The following ZNF274 variants were observed in gnomAD, a reference collection of about 807,000 sequenced individuals.
ZNF274 encodes the protein zinc finger protein 274.
Under a neutral mutation model 42.5 loss-of-function variants are expected in ZNF274, and 23 were observed. That is an observed-to-expected ratio of 0.54 (90% CI 0.39 to 0.77). The LOEUF (loss-of-function observed/expected upper bound fraction) is 0.77, where lower values mean the gene tolerates loss of function less well. Ranked by LOEUF, ZNF274 falls within the 30% of genes least tolerant of loss-of-function variation. The probability of loss-of-function intolerance (pLI) is 0.00; values close to 1 mark genes in which losing one functional copy is unlikely to be tolerated. For missense variants in ZNF274, 679 were observed against 806.5 expected (o/e 0.84, Z 1.91); for synonymous variants, 292 against 305.4 (o/e 0.96, Z 0.46).
At chr19:58,197,046 C>G (rs1190472469) in intron 4 of ZNF274, among the ~76,000 whole-genome samples, 1 of 152,202 alleles carries the variant, frequency 6.6e-6, no homozygotes, top group Non-Finnish European at 1.5e-5. Flanking sequence ...CTAAGAGCTT[C>G]TGAAACCATG....
chr19:58,196,390 A>G (rs1208472609), intron 4 of ZNF274, among the ~76,000 whole-genome samples: 2 of 152,156 alleles, frequency 1.3e-5, no homozygotes, highest in Non-Finnish European at 2.9e-5. Context: ...ACGAAACCCT[A>G]TTGCTACATA....
At chr19:58,202,414 G>A (rs2075923784) in intron 4 of ZNF274, 1 of 152,220 alleles carries the variant, frequency 6.6e-6, no homozygotes, top group Non-Finnish European at 1.5e-5. Context: ...ATCACTTTGG[G>A]TGAAGAAACT....
In ZNF274 at chr19:58,206,840, C is replaced by T. The variant is rs771398079; in HGVS notation, c.377C>T (p.Ala126Val). The change falls in exon 5 of 8, where the codon GCC becomes GTC. Residue 126 changes from alanine to valine, a missense_variant. Coordinates refer to ENST00000617501, the MANE Select transcript of ZNF274 (RefSeq NM_133502.3). The stretch of plus-strand genomic sequence containing the variant: ...CAGGAGGTGGCTGGTCCCCGGAATG[C>T]CCAGATCCAGGCCCTATATGCTGAA... ...LNQEVAGPRN[A>V]QIQALYAEDG... 5.6e-6 allele frequency: 9 copies of T among 1,613,832 alleles called. No individual in the cohort carries two copies. The South Asian group carries it at 8.8e-5, about 16-fold the overall frequency.
rs1212767438 is a variant in ZNF274, at chr19:58,207,230, G to A, written c.739+28G>A. ...AAGTAGAAGGGTGGGTAGAGGGACAGCTTAATGAGGGTGTCTTGGAGTACC... is the reference window on the plus strand; with the variant it reads ...AAGTAGAAGGGTGGGTAGAGGGACAACTTAATGAGGGTGTCTTGGAGTACC... On this transcript the variant is annotated intron_variant, in intron 5 of 7. Coordinates refer to ENST00000617501, the MANE Select transcript of ZNF274 (RefSeq NM_133502.3). The surrounding 1 kb of genome is among the most constrained non-coding windows in gnomAD (Gnocchi z 5.6). The A allele has an allele frequency of 1.3e-6, 2 of 1,582,374 alleles. No homozygotes were observed. Among genetic ancestry groups the A allele is most frequent in the Non-Finnish European group, 1.7e-6 (2 of 1,163,530 alleles).
intron 4 of ZNF274, among the ~76,000 whole-genome samples, chr19:58,195,838 C>T (rs1230826062): frequency 6.6e-6 from 1 of 152,146 alleles, no homozygotes. Context: ...GGTTCATGCT[C>T]CTGTGAGAGT....
At chr19:58,187,916 G>A (rs1032278382) in intron 4 of ZNF274, among the ~76,000 whole-genome samples, 7 of 150,142 alleles carry the variant, frequency 4.7e-5, no homozygotes, top group Non-Finnish European at 8.9e-5. Context: ...AGTAACGGAC[G>A]GTTTCACCAT....
At chr19:58,196,820 T>C (rs528900454) in intron 4 of ZNF274, among the ~76,000 whole-genome samples, 1 of 152,070 alleles carries the variant, frequency 6.6e-6, no homozygotes, top group Non-Finnish European at 1.5e-5. Flanking sequence ...TCTTTAATGT[T>C]TTTGCCCTCT....
intron 4 of ZNF274, among the ~76,000 whole-genome samples, chr19:58,193,234 C>T (rs1337907913): frequency 6.6e-6 from 1 of 151,730 alleles, no homozygotes; most frequent in East Asian, 1.9e-4. Context: ...GCAAGCTCCA[C>T]CTCCTGGGTT....
Position 58,212,730 on chromosome 19 carries a change from C to T in ZNF274, c.1549C>T (p.Arg517Trp), listed in dbSNP as rs1293613346. 2.5e-6 allele frequency: 4 copies of T among 1,613,796 alleles called. No individual in the cohort carries two copies. The highest frequency in any genetic ancestry group is 3.4e-6 in the Non-Finnish European group (4 of 1,179,898). Residue 517 changes from arginine to tryptophan, a missense_variant, in exon 8 of 8, where the codon CGG becomes TGG. By Grantham distance (101) the Arg-to-Trp change is moderately radical. Around this residue, in one of 2 missense-constraint regions of ZNF274, gnomAD observed 456 missense variants for 590.1 expected, o/e 0.77. Coordinates refer to ENST00000617501, the MANE Select transcript of ZNF274 (RefSeq NM_133502.3). The surrounding 1 kb of genome is among the most constrained non-coding windows in gnomAD (Gnocchi z 4.6). ...CRCSECGKIF[R>W]NPRYFSVHKK... Reference sequence around the variant, plus strand: ...ATGCAGTGAATGTGGTAAAATATTCCGGAACCCAAGATACTTTTCTGTGCA... The same window carrying T: ...ATGCAGTGAATGTGGTAAAATATTCTGGAACCCAAGATACTTTTCTGTGCA...
rs1328395310 is a variant in ZNF274 at position 58,213,041 on chromosome 19, A to G, written c.1860A>G (p.Ala620=). The part of the protein sequence containing the change: ...QRTHTGERPY[A]CNKCGKAFTQ... ...CTCACACCGGGGAGCGCCCATATGCATGCAACAAATGTGGAAAGGCCTTCA... is the reference window on the plus strand; with the variant it reads ...CTCACACCGGGGAGCGCCCATATGCGTGCAACAAATGTGGAAAGGCCTTCA... The change falls in exon 8 of 8, where the codon GCA becomes GCG. Residue 620 remains alanine, a synonymous_variant. Transcript: ENST00000617501. The G allele has an allele frequency of 1.9e-6, 3 of 1,613,968 alleles. No homozygotes were observed. Among genetic ancestry groups the G allele is most frequent in the Admixed American group, 3.3e-5 (2 of 60,010 alleles).
chr19:58,204,405 G>A (rs1048705218), intron 4 of ZNF274, among the ~76,000 whole-genome samples: 4 of 152,070 alleles, frequency 2.6e-5, no homozygotes, highest in Admixed American at 2.0e-4. Context: ...CCATTTCGTC[G>A]GCTGAGAGAC....
At position 58,183,082 on chromosome 19, in the gene ZNF274, C is replaced by G. The variant is rs2075649383; in HGVS notation, c.-406C>G. On this transcript the variant is annotated 5_prime_UTR_variant, in exon 1 of 8. Coordinates refer to ENST00000617501, the MANE Select transcript of ZNF274 (RefSeq NM_133502.3). The stretch of plus-strand genomic sequence containing the variant: ...ACCCATTCCAGCACTTCCGGCCTGA[C>G]CCCTGTCCAGCGCCTTTCCTTTCTC... 6.6e-6 allele frequency: 1 copy of G among 152,624 alleles called. No individual in the cohort carries two copies. Among genetic ancestry groups the G allele is most frequent in the Admixed American group, 6.5e-5 (1 of 15,280 alleles). The allele number at this position is 152,624 out of a possible 1,614,324, so 9.5% of individuals were successfully genotyped here. A position where few individuals can be genotyped will look rare whatever the true frequency, so the allele number is the denominator to read the frequency against.
intron 4 of ZNF274, among the ~76,000 whole-genome samples, chr19:58,200,561 T>A (rs1292845487): frequency 6.6e-6 from 1 of 151,910 alleles, no homozygotes; most frequent in East Asian, 1.9e-4. Context: ...CAGACCTGAA[T>A]GGGAAAGGCG....
intron 4 of ZNF274, among the ~76,000 whole-genome samples, chr19:58,190,151 C>G (rs919298066): frequency 7.6e-6 from 1 of 130,854 alleles, no homozygotes; most frequent in Non-Finnish European, 1.6e-5. Context: ...TTATCTCTCT[C>G]TTTTTTTTTT....
At chr19:58,184,110 G>A in intron 2 of ZNF274, 112 bp downstream of exon 2, 2 of 1,262,348 alleles carry the variant, frequency 1.6e-6, no homozygotes, top group Non-Finnish European at 1.1e-6. Context: ...AGCACCTCGG[G>A]GAGGGGGTAG....
intron 1 of ZNF274, 56 bp from the exon 2 acceptor site, chr19:58,183,858 TGCGGTAG>T: frequency 8.5e-7 from 1 of 1,171,522 alleles, no homozygotes; most frequent in Non-Finnish European, 1.2e-6. Context: ...GGGCGGAGGC[TGCGGTAG>T]CTCCCCAGCG....
Position 58,209,977 on chromosome 19 carries a change from A to G in ZNF274, c.756A>G (p.Gln252=). The G allele has an allele frequency of 2.5e-6, 4 of 1,612,788 alleles. No homozygotes were observed. Among genetic ancestry groups the G allele is most frequent in the Non-Finnish European group, 3.4e-6 (4 of 1,179,486 alleles). Residue 252 remains glutamine, a synonymous_variant, in exon 6 of 8, where the codon CAA becomes CAG. Coordinates refer to ENST00000617501, the MANE Select transcript of ZNF274 (RefSeq NM_133502.3). ...TCCTCCCAGTACTTCCTGCAGGACAACCTGCCGAGGGCACCACCTGCTGCC... is the reference window on the plus strand; with the variant it reads ...TCCTCCCAGTACTTCCTGCAGGACAGCCTGCCGAGGGCACCACCTGCTGCC... ...MSEEEVLPAG[Q]PAEGTTCCLE... is the part of the protein sequence containing the mutation.
In ZNF274 at chr19:58,207,227, A is replaced by G; in HGVS notation, c.739+25A>G. ...GGTAAGTAGAAGGGTGGGTAGAGGG[A>G]CAGCTTAATGAGGGTGTCTTGGAGT... is the stretch of plus-strand genomic sequence containing the variant. On this transcript the variant is annotated intron_variant, in intron 5 of 7. Transcript: ENST00000617501. The surrounding 1 kb of genome is among the most constrained non-coding windows in gnomAD (Gnocchi z 5.6). 1 of 1,590,480 alleles carries G rather than the reference A, an allele frequency of 6.3e-7. No individual in the cohort carries two copies. Among genetic ancestry groups the G allele is most frequent in the Non-Finnish European group, 8.6e-7 (1 of 1,167,754 alleles).
At chr19:58,198,546 T>C (rs1423574459) in intron 4 of ZNF274, among the ~76,000 whole-genome samples, 1 of 152,198 alleles carries the variant, frequency 6.6e-6, no homozygotes, top group African/African-American at 2.4e-5. Flanking sequence ...TGTGTGTCAG[T>C]TGATCATCAG....
Sources: allele counts gnomAD v4.1 joint callset (sites outside exome capture counted in the v4.1 genomes callset), GRCh38; gene constraint gnomAD v4.1.1; regional missense constraint gnomAD v4.1.1; non-coding constraint Gnocchi (gnomAD v3.1); transcripts MANE v1.5; gene names NCBI Gene and HGNC (gene_info 2026-07-23, HGNC 2026-07-21).